The following TOM1 variants were observed in gnomAD, a reference collection of about 807,000 sequenced individuals.
TOM1 encodes the protein target of myb1 membrane trafficking protein.
In TOM1, 38 loss-of-function variants were observed where a neutral mutation model predicts 61.3. The ratio of observed to expected loss-of-function variants is 0.62; its 90% CI spans 0.48 to 0.81. The LOEUF (loss-of-function observed/expected upper bound fraction) is 0.81. TOM1 is among the 40% of genes least tolerant of loss of function. TOM1 has a pLI of 0.00. For synonymous variants in TOM1, 270 were observed against 268.8 expected (o/e 1.00, Z -0.04); for missense variants, 591 against 659.6 (o/e 0.90, Z 1.14).
chr22:35,338,287 ATG>A (rs1282026518), intron 11 of TOM1, among the ~76,000 whole-genome samples: 4 of 152,274 alleles, frequency 2.6e-5, no homozygotes, highest in Middle Eastern at 3.4e-3. Context: ...CAGTTTATAG[ATG>A]TGTTTTCAGC....
intron 1 of TOM1, among the ~76,000 whole-genome samples, chr22:35,314,441 T>C (rs971460691): frequency 2.0e-5 from 3 of 150,404 alleles, no homozygotes; most frequent in Non-Finnish European, 3.0e-5. Context: ...ATCAGACTCA[T>C]GCACGGGGTG....
chr22:35,299,958 C>T lies in TOM1; in HGVS notation c.30C>T (p.Ser10=), dbSNP rs769603757. MDFLLGNPF[S]SPVGQRIEKA... ...ACTTTCTCCTGGGGAACCCGTTCAG[C>T]TCTCCAGTGGGACAGCGCATCGGTG... Residue 10 remains serine (S), a synonymous_variant, in exon 1 of 15, where the codon AGC becomes AGT. Transcript: ENST00000449058. 3.2e-6 allele frequency: 5 copies of T among 1,581,878 alleles called. No individual in the cohort carries two copies. In the Admixed American group the frequency reaches 8.9e-5, roughly 28 times the overall value.
intron 6 of TOM1, among the ~76,000 whole-genome samples, chr22:35,326,119 A>G (rs1227333298): frequency 6.6e-6 from 1 of 152,226 alleles, no homozygotes; most frequent in Non-Finnish European, 1.5e-5. Flanking sequence ...AGTTAGCAAT[A>G]TATGTTCAAT....
intron 12 of TOM1, among the ~76,000 whole-genome samples, chr22:35,341,544 C>G (rs1385831309): frequency 6.6e-6 from 1 of 152,120 alleles, no homozygotes; most frequent in Non-Finnish European, 1.5e-5. Flanking sequence ...CACCGCGAGC[C>G]TGCTGTAGGA....
intron 1 of TOM1, among the ~76,000 whole-genome samples, chr22:35,315,687 C>A (rs1247424950): frequency 6.6e-6 from 1 of 152,196 alleles, no homozygotes; most frequent in Non-Finnish European, 1.5e-5. Context: ...TGGCTCAGGA[C>A]CTGAGGGTAG....
At chr22:35,313,525 A>G (rs1345466299) in intron 1 of TOM1, among the ~76,000 whole-genome samples, 1 of 152,180 alleles carries the variant, frequency 6.6e-6, no homozygotes, top group Non-Finnish European at 1.5e-5. Flanking sequence ...TCTGGCTGCA[A>G]GGTCACAACA....
intron 1 of TOM1, among the ~76,000 whole-genome samples, chr22:35,303,504 CTTT>C (rs528560916): frequency 2.3e-5 from 3 of 131,596 alleles, no homozygotes; most frequent in Non-Finnish European, 1.6e-5. Context: ...TTTATTATTT[CTTT>C]TTTTTTTTTT....
intron 7 of TOM1, among the ~76,000 whole-genome samples, chr22:35,327,931 G>A (rs1181273637): frequency 6.6e-6 from 1 of 152,144 alleles, no homozygotes; most frequent in Non-Finnish European, 1.5e-5. Flanking sequence ...GGGGTCACTG[G>A]AGCAGAAGGG....
intron 11 of TOM1, among the ~76,000 whole-genome samples, 200 bp from the exon 12 acceptor site, chr22:35,338,513 C>G (rs938825027): frequency 2.0e-5 from 3 of 152,144 alleles, no homozygotes; most frequent in African/African-American, 7.2e-5. Flanking sequence ...CCTCCCTAAC[C>G]TCTCCAGCCT....
rs373005018 is a variant in TOM1 at position 35,333,021 on chromosome 22, GTCT to G, written c.933+12_933+14del. The stretch of plus-strand genomic sequence containing the variant: ...AACAGGCCAGACCACCAAGGTAAAA[GTCT>G]TCTTTTCTGTGACTAGATCAGGCCC... On this transcript the variant is annotated splice_region_variant and intron_variant, in intron 9 of 14. Coordinates refer to ENST00000449058, the MANE Select transcript of TOM1 (RefSeq NM_005488.3). The G allele has an allele frequency of 2.3e-4, 366 of 1,614,166 alleles. No homozygotes were observed. In the African/African-American group the frequency reaches 4.6e-3, roughly 20 times the overall value.
In TOM1 at chr22:35,321,939, C is replaced by A; in HGVS notation, c.138-20C>A. ...AGGGGGCTCTATTCCTAAGCCCACCCTTTTTCTTGTCCTCCTTAGTCCCAA... is the reference window on the plus strand; with the variant it reads ...AGGGGGCTCTATTCCTAAGCCCACCATTTTTCTTGTCCTCCTTAGTCCCAA... On this transcript the variant is annotated intron_variant, in intron 2 of 14. Transcript: ENST00000449058. 6.2e-7 allele frequency: 1 copy of A among 1,612,158 alleles called. No individual in the cohort carries two copies. Among genetic ancestry groups the A allele is most frequent in the Non-Finnish European group, 8.5e-7 (1 of 1,178,220 alleles).
At chr22:35,315,503 G>T (rs1049895615) in intron 1 of TOM1, among the ~76,000 whole-genome samples, 4 of 152,118 alleles carry the variant, frequency 2.6e-5, no homozygotes, top group African/African-American at 9.7e-5. Flanking sequence ...CAAGGGCAGG[G>T]GTGTGGTACA....
At chr22:35,308,960 T>C (rs1396717862) in intron 1 of TOM1, among the ~76,000 whole-genome samples, 1 of 152,040 alleles carries the variant, frequency 6.6e-6, no homozygotes, top group Non-Finnish European at 1.5e-5. Context: ...AATTAGGAGA[T>C]GGATGGAACT....
intron 2 of TOM1, 87 bp downstream of exon 2, chr22:35,318,048 C>A: frequency 8.1e-7 from 1 of 1,229,568 alleles, no homozygotes; most frequent in South Asian, 1.2e-5. Flanking sequence ...GAGCCCCTGC[C>A]CCAGCCCCAT....
intron 12 of TOM1, among the ~76,000 whole-genome samples, chr22:35,342,653 C>T (rs2145722331): frequency 6.6e-6 from 1 of 151,890 alleles, no homozygotes; most frequent in African/African-American, 2.4e-5. Context: ...TTGTGGCTCA[C>T]CCCCCGGTGG....
intron 1 of TOM1, among the ~76,000 whole-genome samples, chr22:35,302,469 C>T (rs577611473): frequency 2.5e-3 from 380 of 150,314 alleles, no homozygotes; most frequent in African/African-American, 9.0e-3. Flanking sequence ...CCAAGGTAGC[C>T]GGGATTACAG....
At chr22:35,318,988 T>C (rs1927544146) in intron 2 of TOM1, among the ~76,000 whole-genome samples, 1 of 152,230 alleles carries the variant, frequency 6.6e-6, no homozygotes, top group Admixed American at 6.5e-5. Context: ...TGTGGGCATC[T>C]GAGTCACACA....
At chr22:35,342,816 C>A (rs1929986684) in intron 12 of TOM1, among the ~76,000 whole-genome samples, 1 of 145,894 alleles carries the variant, frequency 6.9e-6, no homozygotes. Flanking sequence ...CACTCATACA[C>A]CTACACAGAC....
intron 1 of TOM1, among the ~76,000 whole-genome samples, chr22:35,306,531 G>C (rs561822182): frequency 6.6e-6 from 1 of 152,164 alleles, no homozygotes; most frequent in Non-Finnish European, 1.5e-5. Context: ...CAGACTGAAT[G>C]GTCTGAGTCC....
Sources: gnomAD v4.1 joint callset for allele counts (sites outside exome capture counted in the v4.1 genomes callset) on GRCh38, gnomAD v4.1.1 for gene constraint, MANE v1.5 for transcripts, NCBI Gene and HGNC (gene_info 2026-07-23, HGNC 2026-07-21) for gene names.